The following SHANK2 variants were observed in gnomAD, a reference collection of about 807,000 sequenced individuals.
SHANK2 encodes SH3 and multiple ankyrin repeat domains protein 2.
A neutral mutation model predicts 133.7 loss-of-function variants in SHANK2; 43 were observed. The observed-to-expected ratio is 0.32, with a 90% CI of 0.25 to 0.41. The LOEUF is 0.41. SHANK2 is among the 10% of genes least tolerant of loss of function. The pLI is 1.00. For synonymous variants in SHANK2, 1,017 were observed against 952.8 expected, an observed-to-expected ratio of 1.07 and a Z score of -1.24; for missense variants, 1,994 against 2,235.8, an observed-to-expected ratio of 0.89 and a Z score of 2.18.
intron 2 of SHANK2, among the ~76,000 whole-genome samples, chr11:71,189,242 C>T (rs911289931): frequency 1.1e-4 from 16 of 152,220 alleles, no homozygotes; most frequent in African/African-American, 2.7e-4. Flanking sequence ...TCCCAGACCC[C>T]GTTCTGTTCC....
intron 17 of SHANK2, among the ~76,000 whole-genome samples, chr11:70,563,325 C>T (rs2059930825): frequency 6.6e-6 from 1 of 152,222 alleles, no homozygotes; most frequent in Non-Finnish European, 1.5e-5. Flanking sequence ...GTGTACAATA[C>T]AAGAACTTAC....
At chr11:70,504,960 TC>T (rs2059116178) in intron 17 of SHANK2, among the ~76,000 whole-genome samples, 1 of 151,926 alleles carries the variant, frequency 6.6e-6, no homozygotes, top group African/African-American at 2.4e-5. Flanking sequence ...GTGTTTCTGT[TC>T]CCCGTACCAC....
At chr11:71,171,942 G>A (rs1325368582) in intron 2 of SHANK2, among the ~76,000 whole-genome samples, 1 of 146,730 alleles carries the variant, frequency 6.8e-6, no homozygotes, top group Non-Finnish European at 1.5e-5. Flanking sequence ...TAGTCCACAC[G>A]CCTGGGAAGG....
chr11:71,068,796 C>T (rs1274725307), intron 9 of SHANK2, among the ~76,000 whole-genome samples: 1 of 152,210 alleles, frequency 6.6e-6, no homozygotes, highest in East Asian at 1.9e-4. Flanking sequence ...GCTGCACTGC[C>T]ATCACCATCA....
At chr11:70,731,899 T>G (rs1555032316) in intron 14 of SHANK2, among the ~76,000 whole-genome samples, 2 of 152,214 alleles carry the variant, frequency 1.3e-5, no homozygotes, top group African/African-American at 4.8e-5. Flanking sequence ...CTCCTGCACG[T>G]GCTCTGCCGG....
intron 1 of SHANK2, among the ~76,000 whole-genome samples, chr11:71,250,708 G>T (rs1280477568): frequency 6.6e-6 from 1 of 152,170 alleles, no homozygotes; most frequent in East Asian, 1.9e-4. Context: ...GGTTCCTAGT[G>T]CACAGAAGGG....
chr11:71,113,134 C>T (rs564534438), intron 5 of SHANK2, among the ~76,000 whole-genome samples, 159 bp downstream of exon 5: 6 of 152,284 alleles, frequency 3.9e-5, no homozygotes, highest in East Asian at 1.9e-4. Flanking sequence ...CAGTGTGCAC[C>T]GTAAGGGCCA....
chr11:70,546,334 A>C (rs1307992020), intron 17 of SHANK2, among the ~76,000 whole-genome samples: 1 of 151,936 alleles, frequency 6.6e-6, no homozygotes, highest in Non-Finnish European at 1.5e-5. Flanking sequence ...AGCCTTCTGC[A>C]CCTCTAGAAT....
intron 14 of SHANK2, among the ~76,000 whole-genome samples, chr11:70,758,647 T>G (rs12275539): frequency 0.45 from 67,998 of 152,058 alleles, 15,366 homozygotes; most frequent in South Asian, 0.58. Context: ...GCCATCATCT[T>G]GGGAGCTCTA....
intron 17 of SHANK2, among the ~76,000 whole-genome samples, chr11:70,568,660 C>A (rs1358372971): frequency 1.4e-5 from 2 of 140,344 alleles, no homozygotes; most frequent in African/African-American, 5.1e-5. Flanking sequence ...CCCCCGCCCA[C>A]TTCCTCCCGG....
intron 21 of SHANK2, among the ~76,000 whole-genome samples, chr11:70,494,392 C>T (rs923600026): frequency 6.6e-6 from 1 of 152,200 alleles, no homozygotes; most frequent in Non-Finnish European, 1.5e-5. Flanking sequence ...CTCCTGGGTT[C>T]AAGCAATTCT....
At chr11:70,942,926 T>C (rs1362534114) in intron 10 of SHANK2, 3 of 453,154 alleles carry the variant, frequency 6.6e-6, no homozygotes, top group Non-Finnish European at 1.3e-5. Flanking sequence ...GCCAGGAGAA[T>C]AAAGATAGAT....
At chr11:70,902,142 A>G (rs1376110360) in intron 10 of SHANK2, among the ~76,000 whole-genome samples, 1 of 152,258 alleles carries the variant, frequency 6.6e-6, no homozygotes, top group Non-Finnish European at 1.5e-5. Flanking sequence ...GCCACTGGAC[A>G]GCAGAGCAGC....
At chr11:70,611,374 C>T (rs931408810) in intron 17 of SHANK2, among the ~76,000 whole-genome samples, 4 of 152,158 alleles carry the variant, frequency 2.6e-5, no homozygotes, top group African/African-American at 4.8e-5. Context: ...ACCCGTTCCT[C>T]GACAGTTTTC....
chr11:70,737,488 G>A (rs1555033804), intron 14 of SHANK2, among the ~76,000 whole-genome samples: 1 of 152,188 alleles, frequency 6.6e-6, no homozygotes, highest in African/African-American at 2.4e-5. Flanking sequence ...GTGGCTCAAT[G>A]AGACTCTGTC....
rs1400232815 is a variant in SHANK2 at position 71,210,232 on chromosome 11, ATATATATATATATATATATATTTATT to A, written c.-13+14439_-13+14464del. On this transcript the variant is annotated intron_variant, in intron 2 of 25. Transcript: ENST00000601538. ...CAGGTATATATATATATATATATATATATATATATATATATATATATTTATTTATTTTTTGAAACAGAGTCTCTCTC... is the reference window on the plus strand; with the variant it reads ...CAGGTATATATATATATATATATATATATTTTTTGAAACAGAGTCTCTCTC... Among the ~76,000 whole-genome samples the A allele has an allele frequency of 7.9e-4, 56 of 70,976 alleles. 1 individual carries two copies. The highest frequency in any genetic ancestry group is 2.9e-3 in the African/African-American group (50 of 17,226). 46.6% of individuals were successfully genotyped at this position (70,976 alleles called of 152,430 possible). A position where few individuals can be genotyped will look rare whatever the true frequency, so the allele number is the denominator to read the frequency against.
chr11:70,512,647 G>T (rs541190180), intron 17 of SHANK2, among the ~76,000 whole-genome samples: 1 of 152,292 alleles, frequency 6.6e-6, no homozygotes, highest in South Asian at 2.1e-4. Flanking sequence ...TCTTCCTGAA[G>T]AAATATTTCC....
At chr11:71,159,464 C>T (rs555394404) in intron 2 of SHANK2, among the ~76,000 whole-genome samples, 1 of 152,206 alleles carries the variant, frequency 6.6e-6, no homozygotes, top group Non-Finnish European at 1.5e-5. Context: ...CTGCAAAGCT[C>T]CTTTTGCCAT....
At position 70,917,745 on chromosome 11, in the gene SHANK2, A is replaced by C. The variant is rs556466791; in HGVS notation, c.1108-21178T>G. 5.3e-5 allele frequency among the ~76,000 whole-genome samples: 8 copies of C among 152,328 alleles called. No individual in the cohort carries two copies. In the South Asian group the frequency reaches 1.7e-3, roughly 32 times the overall value. On this transcript the variant is annotated intron_variant, in intron 10 of 25. Coordinates refer to ENST00000601538, the MANE Select transcript of SHANK2 (RefSeq NM_012309.5). ...TCGAGGCCATTATCCTTAGCAAACT[A>C]ATGCAGAAACAGGAAACCAAATACA...
Sources: gnomAD v4.1 joint callset for allele counts (sites outside exome capture counted in the v4.1 genomes callset) on GRCh38, gnomAD v4.1.1 for gene constraint, MANE v1.5 for transcripts, NCBI Gene and HGNC (gene_info 2026-07-23, HGNC 2026-07-21) for gene names.